Variants in UNC5C observed in about 807,000 individuals in gnomAD.
UNC5C encodes the protein unc-5 netrin receptor C.
Under a neutral mutation model 99.8 loss-of-function variants are expected in UNC5C, and 47 were observed. That is an observed-to-expected ratio of 0.47 (90% CI 0.37 to 0.60). UNC5C has a LOEUF of 0.60. Among genes scored for constraint, UNC5C ranks in the 20% least tolerant of loss-of-function variants. UNC5C has a pLI of 0.00. For synonymous variants in UNC5C, 487 were observed against 452.2 expected, an observed-to-expected ratio of 1.08 and a Z score of -0.98; for missense variants, 1,062 against 1,165.9, an observed-to-expected ratio of 0.91 and a Z score of 1.30.
intron 1 of UNC5C, among the ~76,000 whole-genome samples, chr4:95,443,372 T>C (rs1047462573): frequency 6.6e-6 from 1 of 152,170 alleles, no homozygotes; most frequent in Non-Finnish European, 1.5e-5. Flanking sequence ...AGTAACAGGG[T>C]ACCTATTTTT....
intron 5 of UNC5C, among the ~76,000 whole-genome samples, chr4:95,245,963 G>C (rs901770913): frequency 1.3e-5 from 2 of 152,130 alleles, no homozygotes; most frequent in African/African-American, 4.8e-5. Flanking sequence ...AATACAACTA[G>C]TATATGCATC....
chr4:95,380,542 A>G (rs1220197581), intron 1 of UNC5C, among the ~76,000 whole-genome samples: 2 of 150,334 alleles, frequency 1.3e-5, no homozygotes, highest in Non-Finnish European at 3.0e-5. Context: ...CTCCCAAATC[A>G]CCAGATTACA....
intron 1 of UNC5C, among the ~76,000 whole-genome samples, chr4:95,455,827 T>C (rs1449672616): frequency 6.6e-6 from 1 of 152,118 alleles, no homozygotes; most frequent in East Asian, 1.9e-4. Flanking sequence ...ATTTGACTTC[T>C]CATGTATTTA....
At chr4:95,364,984 T>C (rs1050133452) in intron 1 of UNC5C, among the ~76,000 whole-genome samples, 1 of 151,738 alleles carries the variant, frequency 6.6e-6, no homozygotes, top group Non-Finnish European at 1.5e-5. Context: ...TAAGTATATA[T>C]TTATTTACAT....
chr4:95,197,672 G>C (rs1437254637), intron 12 of UNC5C, among the ~76,000 whole-genome samples: 2 of 152,074 alleles, frequency 1.3e-5, no homozygotes, highest in Non-Finnish European at 1.5e-5. Context: ...CGTGGGAATC[G>C]GGTAAGTCAA....
Position 95,219,979 on chromosome 4 carries a change from A to G in UNC5C, c.1300+6T>C. Reference sequence around the variant, plus strand: ...TAACAGGGTGTGAAGTGGAATGTCAACTGACCTTGTCTTGCTGCCTTGATG... The same window carrying G: ...TAACAGGGTGTGAAGTGGAATGTCAGCTGACCTTGTCTTGCTGCCTTGATG... On this transcript the variant is annotated splice_donor_region_variant and intron_variant, in intron 8 of 15. Transcript: ENST00000453304. 1 of 1,612,666 alleles carries G rather than the reference A, an allele frequency of 6.2e-7. No homozygotes were observed. Among genetic ancestry groups the G allele is most frequent in the Non-Finnish European group, 8.5e-7 (1 of 1,179,068 alleles).
chr4:95,424,937 G>A (rs763558839), intron 1 of UNC5C, among the ~76,000 whole-genome samples: 2 of 152,068 alleles, frequency 1.3e-5, no homozygotes, highest in Non-Finnish European at 2.9e-5. Flanking sequence ...TGTCTCTACC[G>A]GAAGGGAAAG....
At chr4:95,493,875 GA>G (rs1721567335) in intron 1 of UNC5C, among the ~76,000 whole-genome samples, 1 of 151,360 alleles carries the variant, frequency 6.6e-6, no homozygotes, top group Non-Finnish European at 1.5e-5. Flanking sequence ...GAAGGCAAAT[GA>G]TAGATAGGAA....
chr4:95,497,261 T>C (rs1188862275), intron 1 of UNC5C, among the ~76,000 whole-genome samples: 1 of 152,008 alleles, frequency 6.6e-6, no homozygotes, highest in African/African-American at 2.4e-5. Context: ...GTGTTTTCCA[T>C]AGTGGTTGTA....
intron 7 of UNC5C, among the ~76,000 whole-genome samples, chr4:95,241,877 A>G (rs1739339506): frequency 1.3e-5 from 2 of 152,210 alleles, no homozygotes; most frequent in African/African-American, 4.8e-5. Flanking sequence ...TGCTTTATCA[A>G]TATTTATTTC....
chr4:95,219,964 T>C (rs768167798), intron 8 of UNC5C, 21 bp downstream of exon 8: 2 of 1,607,910 alleles, frequency 1.2e-6, no homozygotes. Flanking sequence ...TAACAGGGTG[T>C]GAAGTGGAAT....
At chr4:95,232,777 C>T (rs1298006152) in intron 7 of UNC5C, among the ~76,000 whole-genome samples, 5 of 152,154 alleles carry the variant, frequency 3.3e-5, no homozygotes, top group South Asian at 4.1e-4. Flanking sequence ...CTTATTATAC[C>T]GGACACTGTG....
chr4:95,411,221 T>C (rs1327761523), intron 1 of UNC5C, among the ~76,000 whole-genome samples: 8 of 152,150 alleles, frequency 5.3e-5, no homozygotes, highest in Admixed American at 5.2e-4. Context: ...TTGAGTATAC[T>C]ATCATAACTT....
chr4:95,454,847 G>C (rs936755941), intron 1 of UNC5C, among the ~76,000 whole-genome samples: 38 of 151,978 alleles, frequency 2.5e-4, no homozygotes, highest in African/African-American at 8.5e-4. Context: ...CTAATGATTT[G>C]ATCATATCAG....
At chr4:95,342,654 T>G (rs1182517945) in intron 1 of UNC5C, among the ~76,000 whole-genome samples, 1 of 150,362 alleles carries the variant, frequency 6.7e-6, no homozygotes, top group Non-Finnish European at 1.5e-5. Context: ...GAGGGAAGAG[T>G]AAAAGGGAGT....
intron 4 of UNC5C, among the ~76,000 whole-genome samples, chr4:95,259,196 T>C (rs980063475): frequency 1.3e-5 from 2 of 152,184 alleles, no homozygotes; most frequent in Non-Finnish European, 2.9e-5. Context: ...TCTTATCTTC[T>C]GTATGCCTTA....
chr4:95,504,096 T>C lies in UNC5C; in HGVS notation c.124+44638A>G, dbSNP rs1721848106. Among the ~76,000 whole-genome samples the C allele has an allele frequency of 2.0e-5, 3 of 152,202 alleles. No individual in the cohort carries two copies. The South Asian group carries it at 6.2e-4, about 31-fold the overall frequency. Reference sequence around the variant, plus strand: ...CATGATTTTATCTTAACTCCACATATGTTAGCAGTAAAACATGACTCCTAT... The same window carrying C: ...CATGATTTTATCTTAACTCCACATACGTTAGCAGTAAAACATGACTCCTAT... On this transcript the variant is annotated intron_variant, in intron 1 of 15. Coordinates refer to ENST00000453304, the MANE Select transcript of UNC5C (RefSeq NM_003728.4).
intron 4 of UNC5C, among the ~76,000 whole-genome samples, chr4:95,257,877 A>G (rs190242604): frequency 1.3e-5 from 2 of 152,332 alleles, no homozygotes; most frequent in Admixed American, 1.3e-4. Flanking sequence ...CTGCAACAAC[A>G]TTTATTACCA....
rs189513253 is a variant in UNC5C at position 95,519,172 on chromosome 4, C to T, written c.124+29562G>A. On this transcript the variant is annotated intron_variant, in intron 1 of 15. Transcript: ENST00000453304. The stretch of plus-strand genomic sequence containing the variant: ...TTTATTATGATGCTTGAGTAGTCTG[C>T]TAAACTGCAAGCATGGGTTAAGAAA... 9.7e-4 allele frequency among the ~76,000 whole-genome samples: 147 copies of T among 152,146 alleles called. 1 individual carries two copies. Among genetic ancestry groups the T allele is most frequent in the African/African-American group, 3.3e-3 (139 of 41,518 alleles).
Sources: gnomAD v4.1 joint callset for allele counts (sites outside exome capture counted in the v4.1 genomes callset) on GRCh38, gnomAD v4.1.1 for gene constraint, MANE v1.5 for transcripts, NCBI Gene and HGNC (gene_info 2026-07-23, HGNC 2026-07-21) for gene names.